The following SUPT3H variants were observed in gnomAD, a reference collection of about 807,000 sequenced individuals.
The protein encoded by SUPT3H is SPT3 homolog, SAGA and STAGA complex component, also known as transcription initiation protein SPT3 homolog.
SUPT3H carries 44 observed loss-of-function variants against 44.3 expected under a neutral mutation model. That is an observed-to-expected ratio of 0.99 (90% CI 0.78 to 1.28). The LOEUF (loss-of-function observed/expected upper bound fraction) is 1.28, where lower values mean the gene tolerates loss of function less well. SUPT3H is among the 50% of genes most tolerant of loss of function. The probability of loss-of-function intolerance (pLI) is 0.00; values close to 1 mark genes in which losing one functional copy is unlikely to be tolerated. For synonymous variants in SUPT3H, 124 were observed against 125.6 expected (o/e 0.99, Z 0.09); for missense variants, 380 against 387.1 (o/e 0.98, Z 0.15).
chr6:45,016,527 T>C (rs1784308416), intron 4 of SUPT3H, among the ~76,000 whole-genome samples: 1 of 118,598 alleles, frequency 8.4e-6, no homozygotes, highest in African/African-American at 3.3e-5. Context: ...CAGAGTGTGA[T>C]GTTCCCCTTA....
chr6:45,097,471 C>A (rs1305266308), intron 3 of SUPT3H: 1 of 152,214 alleles, frequency 6.6e-6, no homozygotes, highest in Non-Finnish European at 1.5e-5. Context: ...GGAAGCCCAC[C>A]TAGCTTAAGA....
chr6:44,854,316 T>C (rs968659351), intron 10 of SUPT3H, among the ~76,000 whole-genome samples: 2 of 152,200 alleles, frequency 1.3e-5, no homozygotes, highest in Admixed American at 6.5e-5. Flanking sequence ...CTATGGACTC[T>C]TTTAATAACA....
chr6:45,172,582 A>T (rs575470877), intron 2 of SUPT3H, among the ~76,000 whole-genome samples: 139 of 116,618 alleles, frequency 1.2e-3, no homozygotes, highest in African/African-American at 4.0e-3. Context: ...TAAATCCTTA[A>T]AGATAGATAT....
chr6:45,211,873 G>T (rs1168346177), intron 2 of SUPT3H, among the ~76,000 whole-genome samples: 1 of 150,548 alleles, frequency 6.6e-6, no homozygotes, highest in East Asian at 2.0e-4. Flanking sequence ...AAGAGAGAGA[G>T]AATTCTTCAG....
At chr6:44,935,010 G>A (rs1562080127) in intron 9 of SUPT3H, among the ~76,000 whole-genome samples, 2 of 152,150 alleles carry the variant, frequency 1.3e-5, no homozygotes, top group East Asian at 3.8e-4. Context: ...TGTGAAAAAT[G>A]TCATTAGAGT....
At chr6:44,988,519 T>TA (rs66489332) in intron 6 of SUPT3H, among the ~76,000 whole-genome samples, 30,181 of 98,850 alleles carry the variant, frequency 0.31, 2,502 homozygotes, top group South Asian at 0.42. Flanking sequence ...AAGGCTTAAA[T>TA]AAAAAAAAAA....
rs1008742381 is a variant in SUPT3H at position 45,368,763 on chromosome 6, CAG to C, written c.1-3464_1-3463del. On this transcript the variant is annotated intron_variant, in intron 1 of 10. Coordinates refer to ENST00000371459, the MANE Select transcript of SUPT3H (RefSeq NM_003599.4). ...CCTATGTACTGATTTTGAGCATCTA[CAG>C]AGTCTCAATTCTAATGATAACCTGA... Among the ~76,000 whole-genome samples, 5 of 152,196 alleles carry C rather than the reference CAG, an allele frequency of 3.3e-5. No individual in the cohort carries two copies. In the South Asian group the frequency reaches 8.3e-4, roughly 25 times the overall value.
chr6:45,171,713 C>CTTTTCTTTTTTT (rs1810795211), intron 2 of SUPT3H, among the ~76,000 whole-genome samples: 1 of 93,474 alleles, frequency 1.1e-5, no homozygotes, highest in African/African-American at 4.5e-5. Flanking sequence ...ATTCCACTTG[C>CTTTTCTTTTTTT]TTTTTTTTTT....
intron 2 of SUPT3H, among the ~76,000 whole-genome samples, chr6:45,198,997 T>C (rs1816550959): frequency 6.6e-6 from 1 of 151,374 alleles, no homozygotes; most frequent in Non-Finnish European, 1.5e-5. Flanking sequence ...CTGTGCTATT[T>C]TATAACATTT....
intron 6 of SUPT3H, among the ~76,000 whole-genome samples, chr6:44,978,735 A>G (rs2396370): frequency 0.42 from 63,218 of 151,832 alleles, 13,516 homozygotes; most frequent in East Asian, 0.7. Flanking sequence ...AAGAAGCAAC[A>G]TGAAGGATCC....
At chr6:44,897,645 T>A (rs1417771826) in intron 10 of SUPT3H, among the ~76,000 whole-genome samples, 1 of 152,192 alleles carries the variant, frequency 6.6e-6, no homozygotes, top group African/African-American at 2.4e-5. Flanking sequence ...ATTCTCCACA[T>A]CCTAGGAACT....
chr6:45,040,712 T>C (rs1299797391), intron 3 of SUPT3H, among the ~76,000 whole-genome samples: 3 of 152,212 alleles, frequency 2.0e-5, no homozygotes, highest in African/African-American at 4.8e-5. Flanking sequence ...AATAATCCTG[T>C]TGAATAACAG....
intron 2 of SUPT3H, among the ~76,000 whole-genome samples, chr6:45,153,913 C>CA (rs527361851): frequency 2.4e-4 from 36 of 151,594 alleles, no homozygotes; most frequent in African/African-American, 8.0e-4. Context: ...ACTAAAAATG[C>CA]AAAAAAATTA....
intron 11 of SUPT3H, among the ~76,000 whole-genome samples, chr6:44,811,370 T>C (rs1484985930): frequency 2.0e-5 from 3 of 152,188 alleles, no homozygotes; most frequent in Non-Finnish European, 2.9e-5. Flanking sequence ...TCATGTTAGG[T>C]GGAAGCATTT....
chr6:45,009,659 A>C (rs1783196492), intron 5 of SUPT3H, among the ~76,000 whole-genome samples: 1 of 152,158 alleles, frequency 6.6e-6, no homozygotes, highest in Admixed American at 6.6e-5. Flanking sequence ...ATTCCATTTC[A>C]TTGACAAATA....
intron 9 of SUPT3H, among the ~76,000 whole-genome samples, chr6:44,935,507 A>C (rs1032182721): frequency 6.6e-6 from 1 of 152,196 alleles, no homozygotes; most frequent in Admixed American, 6.5e-5. Flanking sequence ...CAAAATACTG[A>C]GTCCTGTTTA....
intron 2 of SUPT3H, among the ~76,000 whole-genome samples, chr6:45,195,604 T>C (rs918573045): frequency 1.3e-5 from 2 of 152,188 alleles, no homozygotes; most frequent in African/African-American, 4.8e-5. Context: ...ATTAAGGTTA[T>C]TATTTTGATT....
chr6:45,287,942 C>T (rs1779592002), intron 2 of SUPT3H, among the ~76,000 whole-genome samples: 1 of 152,158 alleles, frequency 6.6e-6, no homozygotes, highest in African/African-American at 2.4e-5. Flanking sequence ...GCTGCACATT[C>T]CTTTCCTAAA....
intron 3 of SUPT3H, among the ~76,000 whole-genome samples, chr6:45,099,527 G>A (rs181098781): frequency 1.3e-5 from 2 of 152,040 alleles, no homozygotes; most frequent in South Asian, 2.1e-4. Context: ...AGAAATACAT[G>A]AAGAATTCCA....
Sources: gnomAD v4.1 joint callset for allele counts (sites outside exome capture counted in the v4.1 genomes callset) on GRCh38, gnomAD v4.1.1 for gene constraint, MANE v1.5 for transcripts, NCBI Gene and HGNC (gene_info 2026-07-23, HGNC 2026-07-21) for gene names.